Variants in HRH2 observed in about 807,000 individuals in gnomAD.
HRH2 encodes the protein histamine H2 receptor.
Under a neutral mutation model 20.1 loss-of-function variants are expected in HRH2, and 4 were observed. The ratio of observed to expected loss-of-function variants is 0.20; its 90% CI spans 0.10 to 0.45. The LOEUF (loss-of-function observed/expected upper bound fraction) is 0.45. Among genes scored for constraint, HRH2 ranks in the 20% least tolerant of loss-of-function variants. The probability of loss-of-function intolerance (pLI) is 0.99; values close to 1 mark genes in which losing one functional copy is unlikely to be tolerated. For missense variants in HRH2, 250 were observed against 461.6 expected, an observed-to-expected ratio of 0.54 and a Z score of 4.20; for synonymous variants, 197 against 200.7, an observed-to-expected ratio of 0.98 and a Z score of 0.16.
In HRH2 at chr5:175,677,100, T is replaced by A. The variant is rs116252983; in HGVS notation, c.-525-5609T>A. Among the ~76,000 whole-genome samples, 1,293 of 152,270 alleles carry A rather than the reference T, an allele frequency of 8.5e-3. 21 individuals carry two copies. The highest frequency in any genetic ancestry group is 0.03 in the African/African-American group (1,231 of 41,560). ...GCCTTGAACCCCTGGGCTCAAGCGA[T>A]CTTCCCACCTCGGCCTCCCGAGTAG... On this transcript the variant is annotated intron_variant, in intron 1 of 2. Coordinates refer to ENST00000636584, the MANE Select transcript of HRH2 (RefSeq NM_001367711.1). This position sits in a 1 kb window ranked among gnomAD's most constrained non-coding sequence, Gnocchi z 4.2.
chr5:175,704,408 G>A (rs1756878801), intron 2 of HRH2, among the ~76,000 whole-genome samples: 1 of 151,588 alleles, frequency 6.6e-6, no homozygotes, highest in Non-Finnish European at 1.5e-5. Context: ...ATCAATCGAA[G>A]CAGAAAAAAA....
At chr5:175,675,758 C>A (rs1426928318) in intron 1 of HRH2, among the ~76,000 whole-genome samples, 1 of 152,210 alleles carries the variant, frequency 6.6e-6, no homozygotes, top group Non-Finnish European at 1.5e-5. Context: ...TCCCTCTGCT[C>A]AGCATACCCT....
chr5:175,703,871 A>G (rs1396627053), intron 2 of HRH2: 1 of 152,178 alleles, frequency 6.6e-6, no homozygotes, highest in Non-Finnish European at 1.5e-5. Context: ...GAATTGCCAT[A>G]TAACCATTAA....
chr5:175,688,669 G>T (rs576974484), intron 2 of HRH2, among the ~76,000 whole-genome samples: 1 of 152,214 alleles, frequency 6.6e-6, no homozygotes, highest in South Asian at 2.1e-4. Flanking sequence ...CCAAAGCCTA[G>T]ACTCTAGGAC....
At chr5:175,665,318 G>C (rs1357477381) in intron 1 of HRH2, among the ~76,000 whole-genome samples, 3 of 152,218 alleles carry the variant, frequency 2.0e-5, no homozygotes, top group Non-Finnish European at 4.4e-5. Context: ...GGTGGCTGGA[G>C]AGGGGGAGTA....
rs1342593234 is a variant in HRH2, at chr5:175,687,529, C to A, written c.1076+3220C>A. On this transcript the variant is annotated intron_variant, in intron 2 of 2. Coordinates refer to ENST00000636584, the MANE Select transcript of HRH2 (RefSeq NM_001367711.1). The surrounding 1 kb of genome is among the most constrained non-coding windows in gnomAD (Gnocchi z 5.2). ...CCCTGTGGCCAACCAGCAGCCACCC[C>A]ACAATGTTCCTGCCCAGCCTCTATG... Among the ~76,000 whole-genome samples the A allele has an allele frequency of 2.6e-5, 4 of 152,130 alleles. No homozygotes were observed. Among genetic ancestry groups the A allele is most frequent in the African/African-American group, 9.7e-5 (4 of 41,428 alleles).
intron 2 of HRH2, among the ~76,000 whole-genome samples, chr5:175,684,728 G>A (rs7729139): frequency 2.0e-3 from 303 of 152,280 alleles, no homozygotes; most frequent in African/African-American, 6.8e-3. Flanking sequence ...GCCACTTGAC[G>A]GGCCTGTTGT....
At chr5:175,698,688 G>A (rs1391928446) in intron 2 of HRH2, among the ~76,000 whole-genome samples, 1 of 152,194 alleles carries the variant, frequency 6.6e-6, no homozygotes, top group Non-Finnish European at 1.5e-5. Flanking sequence ...TCAGGGATAT[G>A]TGTCCCAGGA....
rs1269099061 is a variant in HRH2 at position 175,686,927 on chromosome 5, G to A, written c.1076+2618G>A. Among the ~76,000 whole-genome samples, 1 of 152,218 alleles carries A rather than the reference G, an allele frequency of 6.6e-6. No homozygotes were observed. Among genetic ancestry groups the A allele is most frequent in the African/African-American group, 2.4e-5 (1 of 41,460 alleles). ...CCTCCAGGCTCCCGGCATGCTGCAG[G>A]GTATGAGTGTCCATCTCCTGCTCTG... On this transcript the variant is annotated intron_variant, in intron 2 of 2. Transcript: ENST00000636584. This position sits in a 1 kb window ranked among gnomAD's most constrained non-coding sequence, Gnocchi z 4.7.
chr5:175,677,085 C>T lies in HRH2; in HGVS notation c.-525-5624C>T, dbSNP rs1755785249. Among the ~76,000 whole-genome samples, 1 of 152,056 alleles carries T rather than the reference C, an allele frequency of 6.6e-6. No individual in the cohort carries two copies. The highest frequency in any genetic ancestry group is 1.5e-5 in the Non-Finnish European group (1 of 68,016). ...TCTCAGTTCACTGCAGCCTTGAACC[C>T]CTGGGCTCAAGCGATCTTCCCACCT... On this transcript the variant is annotated intron_variant, in intron 1 of 2. Transcript: ENST00000636584. The surrounding 1 kb of genome is among the most constrained non-coding windows in gnomAD (Gnocchi z 4.2).
chr5:175,704,065 C>A (rs1756867490), intron 2 of HRH2: 1 of 151,932 alleles, frequency 6.6e-6, no homozygotes, highest in African/African-American at 2.4e-5. Flanking sequence ...TGAGTTCTAC[C>A]AGACACTCAA....
chr5:175,682,687 C>T (rs1756026646), intron 1 of HRH2, 22 bp from the exon 2 acceptor site: 1 of 155,318 alleles, frequency 6.4e-6, no homozygotes, highest in African/African-American at 2.4e-5. Context: ...AGGTGCTTAA[C>T]ATCCAACCTT....
intron 1 of HRH2, among the ~76,000 whole-genome samples, chr5:175,676,061 C>T (rs1755747352): frequency 6.6e-6 from 1 of 151,392 alleles, no homozygotes; most frequent in Non-Finnish European, 1.5e-5. Flanking sequence ...CTTTTGGAGG[C>T]CCCCCCATCA....
intron 1 of HRH2, among the ~76,000 whole-genome samples, chr5:175,661,827 C>G (rs1762745666): frequency 6.6e-6 from 1 of 152,150 alleles, no homozygotes; most frequent in African/African-American, 2.4e-5. Context: ...CGAGACCAGC[C>G]TGGCTAATAT....
intron 1 of HRH2, among the ~76,000 whole-genome samples, chr5:175,673,764 C>T (rs1755655824): frequency 6.8e-6 from 1 of 146,808 alleles, no homozygotes; most frequent in African/African-American, 2.5e-5. Context: ...AGTGCAGTGG[C>T]GCAATCTCCG....
chr5:175,659,457 C>T (rs1762670239), intron 1 of HRH2, among the ~76,000 whole-genome samples: 1 of 152,114 alleles, frequency 6.6e-6, no homozygotes, highest in African/African-American at 2.4e-5. Context: ...AATAACTTAT[C>T]TCGAGAACCT....
intron 2 of HRH2, among the ~76,000 whole-genome samples, chr5:175,705,343 C>CA (rs1344144052): frequency 2.6e-5 from 4 of 152,184 alleles, no homozygotes; most frequent in African/African-American, 9.7e-5. Flanking sequence ...AACTAGCACT[C>CA]AAATACCTAT....
At chr5:175,700,867 G>A (rs987785023) in intron 2 of HRH2, among the ~76,000 whole-genome samples, 1 of 152,104 alleles carries the variant, frequency 6.6e-6, no homozygotes. Flanking sequence ...CAGCCTGGGC[G>A]ACAGAGCAAG....
chr5:175,681,128 C>T lies in HRH2; in HGVS notation c.-525-1581C>T, dbSNP rs1195081830. Among the ~76,000 whole-genome samples, 1 of 152,024 alleles carries T rather than the reference C, an allele frequency of 6.6e-6. No homozygotes were observed. The highest frequency in any genetic ancestry group is 1.5e-5 in the Non-Finnish European group (1 of 67,992). On this transcript the variant is annotated intron_variant, in intron 1 of 2. Transcript: ENST00000636584. This position sits in a 1 kb window ranked among gnomAD's most constrained non-coding sequence, Gnocchi z 4.3. The stretch of plus-strand genomic sequence containing the variant: ...AAATAGGGATTCTCCAAAAAAATAC[C>T]CTTATTGCTACCCCCTCCAAAGTTA...
Sources: allele counts gnomAD v4.1 joint callset (sites outside exome capture counted in the v4.1 genomes callset), GRCh38; gene constraint gnomAD v4.1.1; non-coding constraint Gnocchi (gnomAD v3.1); transcripts MANE v1.5; gene names NCBI Gene and HGNC (gene_info 2026-07-23, HGNC 2026-07-21).